Variants in ZHX2 observed in about 807,000 individuals in gnomAD.
ZHX2 encodes zinc fingers and homeoboxes protein 2.
ZHX2 carries 6 observed loss-of-function variants against 21.9 expected under a neutral mutation model. The observed-to-expected ratio is 0.27, with a 90% confidence interval of 0.15 to 0.54. ZHX2 has a LOEUF of 0.54. Among genes scored for constraint, ZHX2 ranks in the 20% least tolerant of loss-of-function variants. The pLI is 0.95. For missense variants in ZHX2, 908 were observed against 1,090.7 expected (o/e 0.83, Z 2.36); for synonymous variants, 434 against 437.1 (o/e 0.99, Z 0.09).
intron 2 of ZHX2, among the ~76,000 whole-genome samples, chr8:122,925,620 G>T (rs985050536): frequency 6.6e-6 from 1 of 152,168 alleles, no homozygotes; most frequent in African/African-American, 2.4e-5. Context: ...GCAAGAGGTT[G>T]GCCTTTGATA....
intron 2 of ZHX2, among the ~76,000 whole-genome samples, chr8:122,917,293 C>G (rs1297610340): frequency 1.3e-5 from 2 of 151,962 alleles, no homozygotes; most frequent in African/African-American, 4.8e-5. Context: ...CATTTCCTGC[C>G]CCTGCCAGAG....
At chr8:122,970,153 C>T (rs1479142306) in intron 3 of ZHX2, among the ~76,000 whole-genome samples, 1 of 152,142 alleles carries the variant, frequency 6.6e-6, no homozygotes, top group African/African-American at 2.4e-5. Context: ...GAGGCACTGG[C>T]CCTTTGCTGG....
At chr8:122,824,157 C>T (rs1383221447) in intron 1 of ZHX2, among the ~76,000 whole-genome samples, 1 of 152,176 alleles carries the variant, frequency 6.6e-6, no homozygotes, top group Non-Finnish European at 1.5e-5. Context: ...GGGAGGCCGG[C>T]CTTGTCCACC....
Position 122,953,961 on chromosome 8 carries a change from A to T in ZHX2, c.2451A>T (p.Glu817Asp). Residue 817 changes from glutamate (E) to aspartate (D), a missense_variant, in exon 3 of 4, where the codon GAA (glutamate) becomes GAT (aspartate). Glu to Asp is a conservative substitution (Grantham distance 45). Coordinates refer to ENST00000314393, the MANE Select transcript of ZHX2 (RefSeq NM_014943.5). This position sits in a 1 kb window ranked among gnomAD's most constrained non-coding sequence, Gnocchi z 4.6. ...ATAGCTGGAGTCAGGCTGCGGCAGA[A>T]GGTGTGTCGGAACTGGCTGAATCAG... ...RSDSWSQAAAEGVSELAESDS... is the reference protein window; with the variant it reads ...RSDSWSQAAADGVSELAESDS... The T allele has an allele frequency of 6.2e-7, 1 of 1,613,994 alleles. No individual in the cohort carries two copies. Among genetic ancestry groups the T allele is most frequent in the Non-Finnish European group, 8.5e-7 (1 of 1,179,910 alleles).
intron 1 of ZHX2, among the ~76,000 whole-genome samples, chr8:122,848,988 T>C (rs1055869012): frequency 1.3e-5 from 2 of 152,222 alleles, no homozygotes; most frequent in Non-Finnish European, 2.9e-5. Context: ...TAGGGTCTCT[T>C]CGCGGCTGCT....
chr8:122,966,249 A>G (rs1813583009), intron 3 of ZHX2, among the ~76,000 whole-genome samples: 1 of 152,058 alleles, frequency 6.6e-6, no homozygotes, highest in Admixed American at 6.6e-5. Flanking sequence ...TCATAGGTCC[A>G]ATGAGATTTA....
chr8:122,929,370 A>G (rs1820928749), intron 2 of ZHX2, among the ~76,000 whole-genome samples: 2 of 152,134 alleles, frequency 1.3e-5, no homozygotes, highest in African/African-American at 2.4e-5. Flanking sequence ...ATCTTGGAAC[A>G]TTAGGACTGA....
chr8:122,960,611 T>G (rs1002119559), intron 3 of ZHX2, among the ~76,000 whole-genome samples: 3 of 152,100 alleles, frequency 2.0e-5, no homozygotes, highest in African/African-American at 7.2e-5. Flanking sequence ...TAGACCAACA[T>G]GCAGGAGCAT....
chr8:122,873,070 C>G (rs1042449173), intron 2 of ZHX2, among the ~76,000 whole-genome samples: 1 of 152,212 alleles, frequency 6.6e-6, no homozygotes, highest in South Asian at 2.1e-4. Context: ...CGCACTCCCA[C>G]CGGGCATTGT....
intron 1 of ZHX2, among the ~76,000 whole-genome samples, chr8:122,804,165 G>A (rs1022286003): frequency 6.6e-6 from 1 of 152,156 alleles, no homozygotes; most frequent in African/African-American, 2.4e-5. Context: ...CTGCAGTGCA[G>A]TGGCACCATC....
At chr8:122,838,510 A>G (rs941139874) in intron 1 of ZHX2, among the ~76,000 whole-genome samples, 7 of 152,000 alleles carry the variant, frequency 4.6e-5, no homozygotes, top group Non-Finnish European at 8.8e-5. Context: ...AAATAAATAA[A>G]TGGTTAAATA....
intron 1 of ZHX2, among the ~76,000 whole-genome samples, chr8:122,805,294 G>T (rs1817800820): frequency 6.6e-6 from 1 of 152,168 alleles, no homozygotes. Context: ...ATTGAGACGG[G>T]CATGGAACCT....
Position 122,922,414 on chromosome 8 carries a change from C to T in ZHX2, c.-219-28878C>T, listed in dbSNP as rs772984878. On this transcript the variant is annotated intron_variant, in intron 2 of 3. Coordinates refer to ENST00000314393, the MANE Select transcript of ZHX2 (RefSeq NM_014943.5). ...AATCAGCAGATGTTAGGGAAGGGCT[C>T]GGACAGAGTCAGTCCCTCTGCCCTG... 2.6e-5 allele frequency among the ~76,000 whole-genome samples: 4 copies of T among 152,264 alleles called. No individual in the cohort carries two copies. In the East Asian group the frequency reaches 5.8e-4, roughly 22 times the overall value.
At chr8:122,791,443 G>C (rs556567258) in intron 1 of ZHX2, among the ~76,000 whole-genome samples, 1 of 152,290 alleles carries the variant, frequency 6.6e-6, no homozygotes, top group African/African-American at 2.4e-5. Context: ...ACAGGATCTC[G>C]GGTGACTGCC....
chr8:122,833,536 C>T lies in ZHX2; in HGVS notation c.-282-29941C>T, dbSNP rs1038781553. Reference sequence around the variant, plus strand: ...ACGGGCGGCGGATAAGGAGAAGTTGCATGTTTTAAGGTGGGAGGTTGGAGG... The same window carrying T: ...ACGGGCGGCGGATAAGGAGAAGTTGTATGTTTTAAGGTGGGAGGTTGGAGG... On this transcript the variant is annotated intron_variant, in intron 1 of 3. Transcript: ENST00000314393. Among the ~76,000 whole-genome samples, 4 of 152,106 alleles carry T rather than the reference C, an allele frequency of 2.6e-5. No homozygotes were observed. In the South Asian group the frequency reaches 8.3e-4, roughly 32 times the overall value.
chr8:122,910,446 G>C (rs534680543), intron 2 of ZHX2, among the ~76,000 whole-genome samples: 1 of 152,290 alleles, frequency 6.6e-6, no homozygotes, highest in Admixed American at 6.5e-5. Flanking sequence ...TTCTCAAACT[G>C]CCAGTCATGA....
chr8:122,851,124 G>A (rs1249448238), intron 1 of ZHX2, among the ~76,000 whole-genome samples: 1 of 152,188 alleles, frequency 6.6e-6, no homozygotes, highest in Admixed American at 6.5e-5. Flanking sequence ...AGGATGCCTG[G>A]GGGGTGCGAG....
intron 2 of ZHX2, among the ~76,000 whole-genome samples, chr8:122,921,995 A>C (rs1360840714): frequency 6.6e-6 from 1 of 152,212 alleles, no homozygotes; most frequent in Non-Finnish European, 1.5e-5. Context: ...GCTGGAAACA[A>C]ATACACAGGG....
intron 1 of ZHX2, among the ~76,000 whole-genome samples, chr8:122,838,259 G>A (rs1563748915): frequency 6.6e-6 from 1 of 152,220 alleles, no homozygotes; most frequent in Non-Finnish European, 1.5e-5. Context: ...TTTAAAAATG[G>A]TATTACATCA....
Sources: gnomAD v4.1 joint callset for allele counts (sites outside exome capture counted in the v4.1 genomes callset) on GRCh38, gnomAD v4.1.1 for gene constraint, Gnocchi (gnomAD v3.1) non-coding constraint, MANE v1.5 for transcripts, NCBI Gene and HGNC (gene_info 2026-07-23, HGNC 2026-07-21) for gene names.